The following WNT3A variants were observed in gnomAD, a reference collection of about 807,000 sequenced individuals.
WNT3A encodes the protein Wnt family member 3A, also known as protein Wnt-3a.
A neutral mutation model predicts 37.0 loss-of-function variants in WNT3A; 17 were observed. That is an observed-to-expected ratio of 0.46 (90% CI 0.31 to 0.69). The LOEUF (loss-of-function observed/expected upper bound fraction) is 0.69. Ranked by LOEUF, WNT3A falls within the 30% of genes least tolerant of loss-of-function variation. The pLI, the probability that WNT3A is intolerant of heterozygous loss-of-function variation, is 0.05. For synonymous variants in WNT3A, 187 were observed against 211.0 expected (o/e 0.89, Z 0.99); for missense variants, 411 against 510.2 (o/e 0.81, Z 1.87).
chr1:228,048,575 GT>G (rs985392521), intron 2 of WNT3A, among the ~76,000 whole-genome samples: 1 of 152,088 alleles, frequency 6.6e-6, no homozygotes, highest in South Asian at 2.1e-4. Flanking sequence ...TTTTTATTTT[GT>G]TTTTTTGAGA....
rs888241416 is a variant in WNT3A at position 228,059,761 on chromosome 1, G to C, written c.*296G>C. 26 of 1,226,010 alleles carry C rather than the reference G, an allele frequency of 2.1e-5. 2 individuals carry two copies. In the African/African-American group the frequency reaches 3.8e-4, roughly 18 times the overall value. The allele number at this position is 1,226,010 out of a possible 1,614,324, so 75.9% of individuals were successfully genotyped here. Reference sequence around the variant, plus strand: ...GGACGGGGCTCCCCTGGACAGAGGCGGGGCTACAGATTGGGCGGGGCTTCT... The same window carrying C: ...GGACGGGGCTCCCCTGGACAGAGGCCGGGCTACAGATTGGGCGGGGCTTCT... On this transcript the variant is annotated 3_prime_UTR_variant, in exon 4 of 4. Coordinates refer to ENST00000284523, the MANE Select transcript of WNT3A (RefSeq NM_033131.4).
chr1:228,033,222 T>C (rs2031053798), intron 2 of WNT3A, among the ~76,000 whole-genome samples: 1 of 152,236 alleles, frequency 6.6e-6, no homozygotes, highest in East Asian at 1.9e-4. Context: ...TCCTTGGCTT[T>C]TGATGCCATA....
At chr1:228,030,185 A>G (rs545926571) in intron 2 of WNT3A, among the ~76,000 whole-genome samples, 38 of 152,168 alleles carry the variant, frequency 2.5e-4, no homozygotes, top group African/African-American at 9.1e-4. Flanking sequence ...ACTTGAGGTC[A>G]GGAGTTCGAG....
Position 228,059,553 on chromosome 1 carries a change from G to A in WNT3A, c.*88G>A, listed in dbSNP as rs1026794588. The A allele has an allele frequency of 1.4e-6, 2 of 1,419,316 alleles. No homozygotes were observed. The highest frequency in any genetic ancestry group is 1.8e-6 in the Non-Finnish European group (2 of 1,092,994). 87.9% of individuals were successfully genotyped at this position (1,419,316 alleles called of 1,614,324 possible). A position where few individuals can be genotyped will look rare whatever the true frequency, so the allele number is the denominator to read the frequency against. On this transcript the variant is annotated 3_prime_UTR_variant, in exon 4 of 4. Transcript: ENST00000284523. ...TGGAGCAGGACTCCCACCTAAACGG[G>A]GCAGTACTCCTCCCTGGGGGCGGGA...
At chr1:228,045,764 G>C (rs1292165824) in intron 2 of WNT3A, among the ~76,000 whole-genome samples, 1 of 152,220 alleles carries the variant, frequency 6.6e-6, no homozygotes, top group Non-Finnish European at 1.5e-5. Flanking sequence ...GGAAACAGCG[G>C]AGGTTGCATG....
intron 2 of WNT3A, among the ~76,000 whole-genome samples, chr1:228,035,867 C>A (rs1008705579): frequency 6.6e-6 from 1 of 152,194 alleles, no homozygotes; most frequent in South Asian, 2.1e-4. Flanking sequence ...CCTACTACCC[C>A]CTTCTCCTCC....
chr1:228,051,045 A>C, intron 3 of WNT3A, 124 bp downstream of exon 3: 1 of 1,253,538 alleles, frequency 8.0e-7, no homozygotes. Flanking sequence ...GGTCTTCTCG[A>C]CCCCTGCCTG....
At chr1:228,035,983 T>G (rs1043308658) in intron 2 of WNT3A, among the ~76,000 whole-genome samples, 1 of 152,172 alleles carries the variant, frequency 6.6e-6, no homozygotes, top group African/African-American at 2.4e-5. Flanking sequence ...CTGCCTGCCA[T>G]GGGGACTCAG....
intron 2 of WNT3A, among the ~76,000 whole-genome samples, chr1:228,040,609 C>T (rs913148518): frequency 6.6e-5 from 10 of 152,090 alleles, no homozygotes; most frequent in South Asian, 2.1e-4. Flanking sequence ...CATGGCCGGG[C>T]GCAGTGGCTC....
intron 3 of WNT3A, among the ~76,000 whole-genome samples, chr1:228,054,837 G>C (rs1032834568): frequency 1.3e-5 from 2 of 150,944 alleles, no homozygotes; most frequent in African/African-American, 4.9e-5. Context: ...TGTGAACATT[G>C]CATCAGGAAA....
intron 3 of WNT3A, among the ~76,000 whole-genome samples, chr1:228,057,286 G>A (rs1456851916): frequency 6.6e-6 from 1 of 152,184 alleles, no homozygotes; most frequent in Non-Finnish European, 1.5e-5. Context: ...CAGTGTGGTG[G>A]AGTAAGGAGA....
chr1:228,023,801 TGC>T (rs1178534556), intron 2 of WNT3A, among the ~76,000 whole-genome samples: 1 of 152,228 alleles, frequency 6.6e-6, no homozygotes, highest in African/African-American at 2.4e-5. Context: ...AGGAAATCTG[TGC>T]GCATTAAGCA....
At chr1:228,030,287 T>C (rs2102768733) in intron 2 of WNT3A, among the ~76,000 whole-genome samples, 1 of 150,410 alleles carries the variant, frequency 6.6e-6, no homozygotes, top group African/African-American at 2.4e-5. Context: ...TCCCAGCTAG[T>C]CGGGAGGCTG....
intron 1 of WNT3A, among the ~76,000 whole-genome samples, chr1:228,018,315 G>T (rs2030590124): frequency 6.6e-6 from 1 of 152,152 alleles, no homozygotes; most frequent in Admixed American, 6.5e-5. Context: ...AAGCACTGAT[G>T]GATTCCGGGC....
rs1466538942 is a variant in WNT3A, at chr1:228,022,771, A to T, written c.176A>T (p.Tyr59Phe). 1.9e-6 allele frequency: 3 copies of T among 1,614,052 alleles called. No individual in the cohort carries two copies. The highest frequency in any genetic ancestry group is 2.2e-5 in the South Asian group (2 of 91,082). ...AAGCAGCTCCGCTTCTGCAGGAACT[A>T]CGTGGAGATCATGCCCAGCGTGGCC... ...VPKQLRFCRN[Y>F]VEIMPSVAEG... The change falls in exon 2 of 4, where the codon TAC becomes TTC. Residue 59 changes from tyrosine to phenylalanine, a missense_variant. By Grantham distance (22) the Tyr-to-Phe change is conservative (BLOSUM62 3). Coordinates refer to ENST00000284523, the MANE Select transcript of WNT3A (RefSeq NM_033131.4).
At position 228,050,015 on chromosome 1, in the gene WNT3A, G is replaced by A. The variant is rs145683244; in HGVS notation, c.314-641G>A. On this transcript the variant is annotated intron_variant, in intron 2 of 3. Coordinates refer to ENST00000284523, the MANE Select transcript of WNT3A (RefSeq NM_033131.4). The surrounding 1 kb of genome is among the most constrained non-coding windows in gnomAD (Gnocchi z 5.0). ...GCTGGTCTCAAACTCCTGGGCTCAAGCAATCCTCCCACCTCTGCCTCCCAA... is the reference window on the plus strand; with the variant it reads ...GCTGGTCTCAAACTCCTGGGCTCAAACAATCCTCCCACCTCTGCCTCCCAA... Among the ~76,000 whole-genome samples, 6 of 151,930 alleles carry A rather than the reference G, an allele frequency of 3.9e-5. No homozygotes were observed. Among genetic ancestry groups the A allele is most frequent in the Non-Finnish European group, 8.8e-5 (6 of 67,944 alleles).
rs372459490 is a variant in WNT3A, at chr1:228,019,258, G to A, written c.72-3409G>A. On this transcript the variant is annotated intron_variant, in intron 1 of 3. Coordinates refer to ENST00000284523, the MANE Select transcript of WNT3A (RefSeq NM_033131.4). ...CGAGCCTGCGAGCTGAGGTGGTCCC[G>A]GCTCCATGCTGGTCATAGTGTTCTG... is the stretch of plus-strand genomic sequence containing the variant. Among the ~76,000 whole-genome samples, 14 of 152,172 alleles carry A rather than the reference G, an allele frequency of 9.2e-5. No individual in the cohort carries two copies. In the East Asian group the frequency reaches 1.3e-3, roughly 15 times the overall value.
intron 2 of WNT3A, among the ~76,000 whole-genome samples, chr1:228,041,286 G>T (rs1481307450): frequency 1.3e-5 from 2 of 152,068 alleles, no homozygotes; most frequent in Non-Finnish European, 2.9e-5. Context: ...GCCCTCAGCT[G>T]TGATGGAGCC....
chr1:228,024,290 G>T (rs1472959877), intron 2 of WNT3A, among the ~76,000 whole-genome samples: 2 of 152,150 alleles, frequency 1.3e-5, no homozygotes, highest in African/African-American at 4.8e-5. Flanking sequence ...TACCAGTATT[G>T]TTTGAGGGTT....
Sources: gnomAD v4.1 joint callset for allele counts (sites outside exome capture counted in the v4.1 genomes callset) on GRCh38, gnomAD v4.1.1 for gene constraint, Gnocchi (gnomAD v3.1) non-coding constraint, MANE v1.5 for transcripts, NCBI Gene and HGNC (gene_info 2026-07-23, HGNC 2026-07-21) for gene names.